ZBTB20: variants seen among roughly 807,000 people sequenced by gnomAD.
The protein encoded by ZBTB20 is zinc finger and BTB domain-containing protein 20.
Under a neutral mutation model 56.9 loss-of-function variants are expected in ZBTB20, and 9 were observed. That is an observed-to-expected ratio of 0.16 (90% confidence interval 0.10 to 0.28). ZBTB20 has a LOEUF of 0.28. ZBTB20 is among the 10% of genes least tolerant of loss of function. ZBTB20 has a pLI of 1.00. For synonymous variants in ZBTB20, 417 were observed against 420.7 expected, an observed-to-expected ratio of 0.99 and a Z score of 0.11; for missense variants, 655 against 1,003.0, an observed-to-expected ratio of 0.65 and a Z score of 4.69.
intron 4 of ZBTB20, among the ~76,000 whole-genome samples, chr3:114,803,130 CCTT>C (rs2108847795): frequency 1.3e-5 from 2 of 150,210 alleles, no homozygotes; most frequent in East Asian, 2.0e-4. Context: ...ATTCCTTTTT[CCTT>C]CTTTTTTTTT....
chr3:114,530,048 C>G (rs1222786338), intron 6 of ZBTB20, among the ~76,000 whole-genome samples: 1 of 152,186 alleles, frequency 6.6e-6, no homozygotes, highest in Non-Finnish European at 1.5e-5. Flanking sequence ...TTCCTAATGC[C>G]TAGTGATGTC....
At chr3:115,110,265 A>T (rs1232649757) in intron 1 of ZBTB20, among the ~76,000 whole-genome samples, 2 of 152,168 alleles carry the variant, frequency 1.3e-5, no homozygotes, top group African/African-American at 4.8e-5. Context: ...GCAATTTTGA[A>T]GCGAGTTATT....
At chr3:114,506,537 C>T (rs922284154) in intron 6 of ZBTB20, among the ~76,000 whole-genome samples, 1 of 152,086 alleles carries the variant, frequency 6.6e-6, no homozygotes, top group African/African-American at 2.4e-5. Context: ...CTAAACTAGA[C>T]ACAATTCCTT....
chr3:115,002,723 C>T (rs1171228273), intron 2 of ZBTB20, among the ~76,000 whole-genome samples: 3 of 151,622 alleles, frequency 2.0e-5, no homozygotes, highest in Non-Finnish European at 4.4e-5. Flanking sequence ...TACAAACTCT[C>T]ACTCATTGCT....
At chr3:114,822,673 AAATG>A (rs1560289342) in intron 4 of ZBTB20, among the ~76,000 whole-genome samples, 1 of 152,066 alleles carries the variant, frequency 6.6e-6, no homozygotes, top group African/African-American at 2.4e-5. Flanking sequence ...CCAAATGAGA[AAATG>A]AATGTGAAAA....
At chr3:114,492,446 G>A (rs2109527410) in intron 7 of ZBTB20, among the ~76,000 whole-genome samples, 2 of 152,152 alleles carry the variant, frequency 1.3e-5, no homozygotes, top group Admixed American at 1.3e-4. Context: ...AGTTTGATAA[G>A]CCCCAAACCA....
At chr3:114,777,686 G>A (rs2069710665) in intron 5 of ZBTB20, among the ~76,000 whole-genome samples, 1 of 152,148 alleles carries the variant, frequency 6.6e-6, no homozygotes, top group Non-Finnish European at 1.5e-5. Flanking sequence ...AGTCGGTGTG[G>A]CGATTCCGCA....
chr3:114,915,665 T>G (rs1390357169), intron 3 of ZBTB20, among the ~76,000 whole-genome samples: 3 of 152,004 alleles, frequency 2.0e-5, no homozygotes, highest in African/African-American at 7.2e-5. Context: ...TTCTCTAAGA[T>G]GCATTGTTGG....
chr3:114,971,676 T>C (rs537941386), intron 3 of ZBTB20, among the ~76,000 whole-genome samples: 3 of 152,132 alleles, frequency 2.0e-5, no homozygotes, highest in South Asian at 2.1e-4. Flanking sequence ...ATGAGAAGAA[T>C]GGATGGTTTT....
At chr3:114,843,573 T>G (rs2074493076) in intron 4 of ZBTB20, among the ~76,000 whole-genome samples, 1 of 152,214 alleles carries the variant, frequency 6.6e-6, no homozygotes, top group African/African-American at 2.4e-5. Context: ...TTCACTATGT[T>G]GCCCAGGTTG....
chr3:114,946,867 G>C (rs1266214533), intron 3 of ZBTB20, among the ~76,000 whole-genome samples: 1 of 145,656 alleles, frequency 6.9e-6, no homozygotes, highest in Non-Finnish European at 1.5e-5. Flanking sequence ...AGAGTGATCA[G>C]ATGACCTGCA....
chr3:114,817,190 T>TAC (rs1491328231), intron 4 of ZBTB20, among the ~76,000 whole-genome samples: 6 of 66,286 alleles, frequency 9.1e-5, no homozygotes, highest in Admixed American at 2.0e-4. Context: ...TTATACAACT[T>TAC]ATACACACAC....
chr3:114,959,976 CAAATTCCCCCAAA>C (rs879305107), intron 3 of ZBTB20, among the ~76,000 whole-genome samples: 1 of 152,070 alleles, frequency 6.6e-6, no homozygotes, highest in Non-Finnish European at 1.5e-5. Flanking sequence ...GCAATGTGGC[CAAATTCCCCCAAA>C]AAAGGGGTTT....
intron 6 of ZBTB20, among the ~76,000 whole-genome samples, chr3:114,563,108 A>G (rs1374150823): frequency 6.6e-6 from 1 of 152,220 alleles, no homozygotes. Context: ...ATGTCTGGAA[A>G]GTGCAATAAA....
intron 6 of ZBTB20, among the ~76,000 whole-genome samples, chr3:114,504,720 A>G (rs2044395866): frequency 6.6e-6 from 1 of 152,200 alleles, no homozygotes; most frequent in South Asian, 2.1e-4. Context: ...CACCCTTAGT[A>G]TTGGATCACT....
intron 6 of ZBTB20, among the ~76,000 whole-genome samples, chr3:114,681,983 TTC>T (rs2062002909): frequency 6.6e-6 from 1 of 152,188 alleles, no homozygotes; most frequent in Admixed American, 6.6e-5. Context: ...AAATGTTAGT[TTC>T]TGTTTTTTCT....
At chr3:114,667,266 C>G (rs927442812) in intron 6 of ZBTB20, among the ~76,000 whole-genome samples, 2 of 151,986 alleles carry the variant, frequency 1.3e-5, no homozygotes, top group South Asian at 4.1e-4. Flanking sequence ...CAGAGCACAT[C>G]TGTAAACAAA....
At chr3:115,139,832 G>A (rs2084760566) in intron 1 of ZBTB20, among the ~76,000 whole-genome samples, 1 of 151,996 alleles carries the variant, frequency 6.6e-6, no homozygotes, top group Admixed American at 6.6e-5. Flanking sequence ...CCTGAGTTAA[G>A]ATGAGTTGGC....
Position 114,333,779 on chromosome 3 carries a change from C to G in ZBTB20, c.*5226G>C, listed in dbSNP as rs1165130327. 2 of 152,068 alleles carry G rather than the reference C, an allele frequency of 1.3e-5. No homozygotes were observed. Among genetic ancestry groups the G allele is most frequent in the African/African-American group, 4.8e-5 (2 of 41,402 alleles). 9.4% of individuals were successfully genotyped at this position (152,068 alleles called of 1,614,324 possible). ...AGAAATCACTGAAAAGAGAGTCTGTCGACCCTGCCCATGGAAAAGCCCAGA... is the reference window on the plus strand; with the variant it reads ...AGAAATCACTGAAAAGAGAGTCTGTGGACCCTGCCCATGGAAAAGCCCAGA... On this transcript the variant is annotated 3_prime_UTR_variant, in exon 12 of 12. Transcript: ENST00000675478.
Sources: allele counts gnomAD v4.1 joint callset (sites outside exome capture counted in the v4.1 genomes callset), GRCh38; gene constraint gnomAD v4.1.1; transcripts MANE v1.5; gene names NCBI Gene and HGNC (gene_info 2026-07-23, HGNC 2026-07-21).